The following TRIM28 variants were observed in gnomAD, a reference collection of about 807,000 sequenced individuals.
TRIM28 encodes transcription intermediary factor 1-beta.
In TRIM28, 8 loss-of-function variants were observed where a neutral mutation model predicts 87.4. That is an observed-to-expected ratio of 0.09 (90% confidence interval 0.05 to 0.17). The LOEUF (loss-of-function observed/expected upper bound fraction) is 0.17. Ranked by LOEUF, TRIM28 falls within the 10% of genes least tolerant of loss-of-function variation. TRIM28 has a pLI of 1.00. For missense variants in TRIM28, 968 were observed against 1,131.8 expected (o/e 0.86, Z 2.08); for synonymous variants, 601 against 454.3 (o/e 1.32, Z -4.11).
chr19:58,545,307 A>G (rs2053751269), intron 1 of TRIM28, 118 bp from the exon 2 acceptor site: 4 of 946,312 alleles, frequency 4.2e-6, no homozygotes, highest in Non-Finnish European at 6.5e-6. Context: ...AGGCTCGGGG[A>G]GGGGAGGGGC....
In TRIM28 at chr19:58,547,455, G is replaced by C; in HGVS notation, c.666G>C (p.Glu222Asp). Residue 222 changes from glutamate to aspartate, a missense_variant, in exon 4 of 17, where the codon GAG (glutamate) becomes GAC (aspartate). This residue lies in a region of TRIM28 where 103 missense variants were observed against 139.0 expected (regional missense o/e 0.74). Transcript: ENST00000253024. ...ATGAACCCCTTGTGCTGTTTTGTGA[G>C]AGCTGTGATACTCTCACCTGCCGAG... ...HKHEPLVLFCESCDTLTCRDC... is the reference protein window; with the variant it reads ...HKHEPLVLFCDSCDTLTCRDC... 1 of 1,614,016 alleles carries C rather than the reference G, an allele frequency of 6.2e-7. No homozygotes were observed. The highest frequency in any genetic ancestry group is 8.5e-7 in the Non-Finnish European group (1 of 1,180,010).
chr19:58,549,467 G>C lies in TRIM28; in HGVS notation c.1799G>C (p.Ser600Thr). 1 of 1,613,132 alleles carries C rather than the reference G, an allele frequency of 6.2e-7. No individual in the cohort carries two copies. Among genetic ancestry groups the C allele is most frequent in the Non-Finnish European group, 8.5e-7 (1 of 1,179,514 alleles). The change falls in exon 13 of 17, where the codon AGC becomes ACC. Residue 600 changes from serine (S) to threonine (T), a missense_variant. By Grantham distance (58) the Ser-to-Thr change is moderately conservative. Around this residue, in one of 11 missense-constraint regions of TRIM28, gnomAD observed 164 missense variants for 146.2 expected, o/e 1.12. Coordinates refer to ENST00000253024, the MANE Select transcript of TRIM28 (RefSeq NM_005762.3). The surrounding 1 kb of genome is among the most constrained non-coding windows in gnomAD (Gnocchi z 4.4). ...PRLASPSGSTSSGLEVVAPEG... is the reference protein window; with the variant it reads ...PRLASPSGSTTSGLEVVAPEG... ...CTGGCCTCACCTAGTGGCAGCACCA[G>C]CTCAGGGCTGGAGGTGGTGGCTCCT...
chr19:58,548,799 T>G (rs752715207), intron 10 of TRIM28, 23 bp downstream of exon 10: 1 of 1,614,018 alleles, frequency 6.2e-7, no homozygotes, highest in Non-Finnish European at 8.5e-7. Context: ...GCCTAGTGGG[T>G]GGGGAAGGGC....
intron 2 of TRIM28, 21 bp from the exon 3 acceptor site, chr19:58,545,743 G>C (rs1033123605): frequency 6.3e-7 from 1 of 1,594,452 alleles, no homozygotes; most frequent in Non-Finnish European, 8.6e-7. Context: ...TGCCTTCTCT[G>C]ACCCTGCCTT....
chr19:58,545,977 G>A (rs76185949), intron 3 of TRIM28, 81 bp downstream of exon 3: 10 of 1,518,398 alleles, frequency 6.6e-6, no homozygotes, highest in East Asian at 2.3e-5. Context: ...GTTGCATCTG[G>A]TGGATGGGTC....
In TRIM28 at chr19:58,549,696, T is replaced by A. The variant is rs1257350735; in HGVS notation, c.1983-41T>A. ...GGTCAAGTCTGGGTGTTGGGCTGTCTGGACAGGATCATGTGCAGACCCTTA... is the reference window on the plus strand; with the variant it reads ...GGTCAAGTCTGGGTGTTGGGCTGTCAGGACAGGATCATGTGCAGACCCTTA... On this transcript the variant is annotated intron_variant, in intron 13 of 16. Transcript: ENST00000253024. This position sits in a 1 kb window ranked among gnomAD's most constrained non-coding sequence, Gnocchi z 4.4. 1 of 1,600,538 alleles carries A rather than the reference T, an allele frequency of 6.2e-7. No individual in the cohort carries two copies. Among genetic ancestry groups the A allele is most frequent in the South Asian group, 1.1e-5 (1 of 89,826 alleles).
chr19:58,549,624 C>T lies in TRIM28; in HGVS notation c.1956C>T (p.His652=). Residue 652 remains histidine (H), a synonymous_variant, in exon 13 of 17, where the codon CAC becomes CAT. Coordinates refer to ENST00000253024, the MANE Select transcript of TRIM28 (RefSeq NM_005762.3). The surrounding 1 kb of genome is among the most constrained non-coding windows in gnomAD (Gnocchi z 4.4). ...AGTTTTGTTTCCACCTGGACTGTCACCTGCCGGCCCTGCAGGATGTACCAG... is the reference window on the plus strand; with the variant it reads ...AGTTTTGTTTCCACCTGGACTGTCATCTGCCGGCCCTGCAGGATGTACCAG... The part of the protein sequence containing the change: ...QCEFCFHLDC[H]LPALQDVPGE... 6.2e-7 allele frequency: 1 copy of T among 1,613,040 alleles called. No individual in the cohort carries two copies. Among genetic ancestry groups the T allele is most frequent in the East Asian group, 2.2e-5 (1 of 44,866 alleles).
In TRIM28 at chr19:58,547,802, G is replaced by T. The variant is rs2053774642; in HGVS notation, c.850G>T (p.Val284Leu). 6.2e-7 allele frequency: 1 copy of T among 1,614,156 alleles called. No homozygotes were observed. The highest frequency in any genetic ancestry group is 8.5e-7 in the Non-Finnish European group (1 of 1,180,028). Residue 284 changes from valine (V) to leucine (L), a missense_variant, in exon 6 of 17, where the codon GTG becomes TTG. Val to Leu is a conservative substitution (Grantham distance 32, BLOSUM62 1). This residue lies in a region of TRIM28 where 103 missense variants were observed against 139.0 expected (regional missense o/e 0.74). Coordinates refer to ENST00000253024, the MANE Select transcript of TRIM28 (RefSeq NM_005762.3). ...TGCTGTGTCCCCTAGAATCCGCCAG[G>T]TGTCTGACGTACAGAAGCGTGTGCA... ...TKEVRSSIRQ[V>L]SDVQKRVQVD...
In TRIM28 at chr19:58,549,507, C is replaced by G. The variant is rs764654766; in HGVS notation, c.1839C>G (p.Ala613=). The G allele has an allele frequency of 6.2e-7, 1 of 1,613,938 alleles. No homozygotes were observed. The highest frequency in any genetic ancestry group is 8.5e-7 in the Non-Finnish European group (1 of 1,179,980). Residue 613 remains alanine (A), a synonymous_variant, in exon 13 of 17, where the codon GCC becomes GCG. Transcript: ENST00000253024. The surrounding 1 kb of genome is among the most constrained non-coding windows in gnomAD (Gnocchi z 4.4). ...LEVVAPEGTS[A]PGGGPGTLDD... Reference sequence around the variant, plus strand: ...TGGTGGCTCCTGAGGGTACCTCAGCCCCAGGTGGTGGCCCGGGAACCCTGG... The same window carrying G: ...TGGTGGCTCCTGAGGGTACCTCAGCGCCAGGTGGTGGCCCGGGAACCCTGG...
At chr19:58,548,813 A>G (rs1049254228) in intron 10 of TRIM28, 37 bp downstream of exon 10, 23 of 1,613,934 alleles carry the variant, frequency 1.4e-5, no homozygotes, top group Non-Finnish European at 1.9e-5. Flanking sequence ...GAAGGGCCCC[A>G]GTGCTGTTTC....
chr19:58,546,817 C>T (rs573898513), intron 3 of TRIM28, among the ~76,000 whole-genome samples: 35 of 152,236 alleles, frequency 2.3e-4, no homozygotes, highest in Middle Eastern at 3.4e-3. Context: ...CAAGATTCTG[C>T]TCTAGAGGGG....
chr19:58,545,310 G>A (rs2053751303), intron 1 of TRIM28, 115 bp from the exon 2 acceptor site: 1 of 967,854 alleles, frequency 1.0e-6, no homozygotes, highest in South Asian at 1.6e-5. Context: ...CTCGGGGAGG[G>A]GAGGGGCTGG....
At chr19:58,546,041 G>A in intron 3 of TRIM28, 145 bp downstream of exon 3, 4 of 1,044,116 alleles carry the variant, frequency 3.8e-6, no homozygotes, top group Non-Finnish European at 4.0e-6. Context: ...AACTCCAGAA[G>A]CAGAAAAACT....
chr19:58,547,071 G>T, intron 3 of TRIM28: 1 of 331,086 alleles, frequency 3.0e-6, no homozygotes, highest in Non-Finnish European at 5.7e-6. Context: ...AAGGGTCAGC[G>T]GGGGTGGGGG....
At chr19:58,548,690 C>T (rs766468276) in intron 9 of TRIM28, 50 bp from the exon 10 acceptor site, 2 of 1,610,978 alleles carry the variant, frequency 1.2e-6, no homozygotes, top group African/African-American at 1.3e-5. Context: ...GGAATGGGGT[C>T]CAGTAGGGTT....
rs2053742297 is a variant in TRIM28, at chr19:58,544,616, C to G, written c.-142C>G. Reference sequence around the variant, plus strand: ...GCAGCGTCCCGCGCGCGGCGGGCAGCGGCCCAGGAGGCGCGTGGCGGCGCT... The same window carrying G: ...GCAGCGTCCCGCGCGCGGCGGGCAGGGGCCCAGGAGGCGCGTGGCGGCGCT... On this transcript the variant is annotated 5_prime_UTR_variant, in exon 1 of 17. Coordinates refer to ENST00000253024, the MANE Select transcript of TRIM28 (RefSeq NM_005762.3). The G allele has an allele frequency of 4.9e-6, 1 of 205,320 alleles. No individual in the cohort carries two copies. The highest frequency in any genetic ancestry group is 2.4e-5 in the African/African-American group (1 of 42,110). The allele number at this position is 205,320 out of a possible 1,614,324, so 12.7% of individuals were successfully genotyped here. A position where few individuals can be genotyped will look rare whatever the true frequency, so the allele number is the denominator to read the frequency against.
chr19:58,549,006 C>A lies in TRIM28; in HGVS notation c.1428C>A (p.Gly476=). ...TCTACAGGTCCCGCTCAGGTGAGGG[C>A]GAGGTGAGCGGCCTTATGCGCAAGG... is the stretch of plus-strand genomic sequence containing the variant. The part of the protein sequence containing the change: ...SGVKRSRSGE[G]EVSGLMRKVP... The change falls in exon 12 of 17, where the codon GGC becomes GGA. Residue 476 remains glycine (G), a synonymous_variant. Transcript: ENST00000253024. This position sits in a 1 kb window ranked among gnomAD's most constrained non-coding sequence, Gnocchi z 4.4. The A allele has an allele frequency of 1.4e-5, 22 of 1,614,058 alleles. No homozygotes were observed. The highest frequency in any genetic ancestry group is 1.9e-5 in the Non-Finnish European group (22 of 1,179,988).
Position 58,547,519 on chromosome 19 carries a change from C to G in TRIM28, c.722+8C>G. 6.2e-7 allele frequency: 1 copy of G among 1,613,944 alleles called. No homozygotes were observed. The highest frequency in any genetic ancestry group is 8.5e-7 in the Non-Finnish European group (1 of 1,179,944). On this transcript the variant is annotated splice_region_variant and intron_variant, in intron 4 of 16. Coordinates refer to ENST00000253024, the MANE Select transcript of TRIM28 (RefSeq NM_005762.3). ...TGCCCACAAGGACCACCAGTGAGTC[C>G]CAAGGCATAGTGGTTGGGTGGGTGG...
chr19:58,544,860 G>T lies in TRIM28; in HGVS notation c.103G>T (p.Ala35Ser). The T allele has an allele frequency of 7.7e-7, 1 of 1,303,370 alleles. No homozygotes were observed. The highest frequency in any genetic ancestry group is 3.2e-5 in the East Asian group (1 of 31,572). The allele number at this position is 1,303,370 out of a possible 1,614,324, so 80.7% of individuals were successfully genotyped here. Residue 35 changes from alanine (A) to serine (S), a missense_variant, in exon 1 of 17, where the codon GCC becomes TCC. Physicochemically the swap from Ala to Ser is moderately conservative, Grantham distance 99 (BLOSUM62 1). Around this residue, in one of 11 missense-constraint regions of TRIM28, gnomAD observed 208 missense variants for 170.9 expected, o/e 1.22. Transcript: ENST00000253024. ...CGCTGGCGGCGAAAAGCGCTCCACC[G>T]CCCCTTCGGCCGCAGCCTCGGCCTC... ...GSAGGEKRST[A>S]PSAAASASAS...
Sources: allele counts gnomAD v4.1 joint callset (sites outside exome capture counted in the v4.1 genomes callset), GRCh38; gene constraint gnomAD v4.1.1; regional missense constraint gnomAD v4.1.1; non-coding constraint Gnocchi (gnomAD v3.1); transcripts MANE v1.5; gene names NCBI Gene and HGNC (gene_info 2026-07-23, HGNC 2026-07-21).